Variants in CTNND2 observed in about 807,000 individuals in gnomAD.
CTNND2 encodes catenin delta-2.
In CTNND2, 22 loss-of-function variants were observed where a neutral mutation model predicts 144.4. That is an observed-to-expected ratio of 0.15 (90% CI 0.11 to 0.22). CTNND2 has a LOEUF of 0.22. CTNND2 is among the 10% of genes least tolerant of loss of function. The pLI, the probability that CTNND2 is intolerant of heterozygous loss-of-function variation, is 1.00. For missense variants in CTNND2, 1,353 were observed against 1,618.8 expected (o/e 0.84, Z 2.82); for synonymous variants, 751 against 695.6 (o/e 1.08, Z -1.25).
At chr5:11,702,013 G>A (rs988322417) in intron 2 of CTNND2, among the ~76,000 whole-genome samples, 8 of 152,112 alleles carry the variant, frequency 5.3e-5, no homozygotes, top group East Asian at 1.9e-4. Flanking sequence ...GAAAGCACTC[G>A]GGCAGTTGGG....
At position 11,785,379 on chromosome 5, in the gene CTNND2, G is replaced by A. The variant is rs1049167043; in HGVS notation, c.38-53107C>T. Among the ~76,000 whole-genome samples the A allele has an allele frequency of 7.2e-5, 11 of 152,070 alleles. 1 individual carries two copies. The South Asian group carries it at 1.2e-3, about 17-fold the overall frequency. On this transcript the variant is annotated intron_variant, in intron 1 of 21. Coordinates refer to ENST00000304623, the MANE Select transcript of CTNND2 (RefSeq NM_001332.4). ...GGCTGGAGTAAAGAAGGGTTAATTC[G>A]GATTTTTGAACAAAATAACCATATA... is the stretch of plus-strand genomic sequence containing the variant.
chr5:11,653,761 T>A (rs73059707), intron 2 of CTNND2, among the ~76,000 whole-genome samples: 1 of 151,990 alleles, frequency 6.6e-6, no homozygotes, highest in African/African-American at 2.4e-5. Flanking sequence ...TTTGGTTTTT[T>A]TTTTTCCCTT....
At chr5:11,031,809 G>A (rs779193886) in intron 16 of CTNND2, among the ~76,000 whole-genome samples, 12 of 152,288 alleles carry the variant, frequency 7.9e-5, no homozygotes, top group Admixed American at 2.0e-4. Context: ...GCCCTTGAAC[G>A]TCAGACTCCA....
At chr5:11,209,010 A>T (rs1738344992) in intron 10 of CTNND2, among the ~76,000 whole-genome samples, 1 of 152,186 alleles carries the variant, frequency 6.6e-6, no homozygotes, top group Admixed American at 6.5e-5. Flanking sequence ...GAGGTAAAGA[A>T]TCAACATGAA....
chr5:11,319,999 A>T (rs2150066844), intron 9 of CTNND2, among the ~76,000 whole-genome samples: 1 of 152,308 alleles, frequency 6.6e-6, no homozygotes, highest in South Asian at 2.1e-4. Flanking sequence ...CTGCATATAC[A>T]CAGGCACTGA....
At chr5:11,398,224 T>A (rs1489694728) in intron 5 of CTNND2, among the ~76,000 whole-genome samples, 1 of 152,222 alleles carries the variant, frequency 6.6e-6, no homozygotes, top group Non-Finnish European at 1.5e-5. Context: ...TAAATCATTC[T>A]TGATCCCCCT....
chr5:11,903,459 G>GA lies in CTNND2; in HGVS notation c.37+357_37+358insT. 1.1e-6 allele frequency: 1 copy of GA among 874,700 alleles called. No individual in the cohort carries two copies. 54.2% of individuals were successfully genotyped at this position (874,700 alleles called of 1,614,324 possible). ...CACCCCGTCTCCTCCCGTATATTAG[G>GA]GACGTCATGAATGCACCGAGTATGT... On this transcript the variant is annotated intron_variant, in intron 1 of 21. Transcript: ENST00000304623. This position sits in a 1 kb window ranked among gnomAD's most constrained non-coding sequence, Gnocchi z 5.4.
intron 17 of CTNND2, among the ~76,000 whole-genome samples, chr5:11,022,421 C>T (rs1171713209): frequency 1.3e-5 from 2 of 152,094 alleles, no homozygotes; most frequent in Admixed American, 6.5e-5. Context: ...GTAAGGTGGA[C>T]CTGACTTGGT....
intron 1 of CTNND2, among the ~76,000 whole-genome samples, chr5:11,802,629 T>C (rs1791758080): frequency 6.6e-6 from 1 of 152,226 alleles, no homozygotes; most frequent in Admixed American, 6.5e-5. Flanking sequence ...TTATGACTTG[T>C]TACCTTGTTA....
intron 1 of CTNND2, among the ~76,000 whole-genome samples, chr5:11,770,464 G>GAAGGAAGGAAGGAAGGAAGGAA (rs201288821): frequency 4.2e-5 from 6 of 142,894 alleles, no homozygotes; most frequent in African/African-American, 1.5e-4. Context: ...AGGAAGGAAG[G>GAAGGAAGGAAGGAAGGAAGGAA]GGTAGGGGTA....
intron 1 of CTNND2, among the ~76,000 whole-genome samples, chr5:11,862,941 C>T (rs937633986): frequency 2.0e-5 from 3 of 152,062 alleles, no homozygotes; most frequent in South Asian, 2.1e-4. Context: ...GAGAAAAATT[C>T]GGGCTAACAT....
At chr5:11,576,581 C>T (rs1427094055) in intron 2 of CTNND2, among the ~76,000 whole-genome samples, 1 of 151,870 alleles carries the variant, frequency 6.6e-6, no homozygotes, top group African/African-American at 2.4e-5. Context: ...TCAGTAGATA[C>T]TTGATTTCTA....
At chr5:11,007,730 G>A (rs1740637295) in intron 18 of CTNND2, among the ~76,000 whole-genome samples, 1 of 152,238 alleles carries the variant, frequency 6.6e-6, no homozygotes, top group Admixed American at 6.5e-5. Flanking sequence ...CGAAATGACA[G>A]CACTGTGGGA....
At chr5:11,448,734 T>C (rs374192624) in intron 3 of CTNND2, among the ~76,000 whole-genome samples, 14 of 152,274 alleles carry the variant, frequency 9.2e-5, no homozygotes, top group African/African-American at 3.1e-4. Flanking sequence ...AATGGTGTGA[T>C]CTCAGCTCAC....
chr5:11,465,178 T>C (rs2149942292), intron 3 of CTNND2, among the ~76,000 whole-genome samples: 1 of 152,350 alleles, frequency 6.6e-6, no homozygotes, highest in South Asian at 2.1e-4. Flanking sequence ...GTTCACATTG[T>C]TAATAATCTG....
intron 9 of CTNND2, among the ~76,000 whole-genome samples, chr5:11,306,283 T>TG (rs869093258): frequency 6.6e-6 from 1 of 152,194 alleles, no homozygotes; most frequent in Non-Finnish European, 1.5e-5. Flanking sequence ...TGATATATTT[T>TG]GGGGGGATGT....
At chr5:11,268,345 G>A (rs1359395438) in intron 9 of CTNND2, among the ~76,000 whole-genome samples, 1 of 152,202 alleles carries the variant, frequency 6.6e-6, no homozygotes, top group Non-Finnish European at 1.5e-5. Flanking sequence ...CACTTTGGGA[G>A]GCTGAGGTGG....
chr5:11,678,458 C>A (rs1275206937), intron 2 of CTNND2, among the ~76,000 whole-genome samples: 1 of 152,104 alleles, frequency 6.6e-6, no homozygotes, highest in Non-Finnish European at 1.5e-5. Context: ...ATAGTGCAAG[C>A]GGCCACAATG....
At chr5:11,681,030 T>G (rs1784402196) in intron 2 of CTNND2, among the ~76,000 whole-genome samples, 1 of 151,986 alleles carries the variant, frequency 6.6e-6, no homozygotes, top group African/African-American at 2.4e-5. Context: ...CTGATGCCAA[T>G]TTAGAGATGT....
Sources: allele counts gnomAD v4.1 joint callset (sites outside exome capture counted in the v4.1 genomes callset), GRCh38; gene constraint gnomAD v4.1.1; non-coding constraint Gnocchi (gnomAD v3.1); transcripts MANE v1.5; gene names NCBI Gene and HGNC (gene_info 2026-07-23, HGNC 2026-07-21).